Variants in WDFY4 observed in about 807,000 individuals in gnomAD.
The protein encoded by WDFY4 is WDFY family member 4.
WDFY4 carries 169 observed loss-of-function variants against 351.9 expected under a neutral mutation model. That is an observed-to-expected ratio of 0.48 (90% CI 0.42 to 0.55). The LOEUF (loss-of-function observed/expected upper bound fraction) is 0.55. Ranked by LOEUF, WDFY4 falls within the 20% of genes least tolerant of loss-of-function variation. The probability of loss-of-function intolerance (pLI) is 0.00; values close to 1 mark genes in which losing one functional copy is unlikely to be tolerated. For missense variants in WDFY4, 3,803 were observed against 3,935.6 expected (o/e 0.97, Z 0.90); for synonymous variants, 1,622 against 1,574.6 (o/e 1.03, Z -0.71).
chr10:48,761,257 G>A (rs1053340876), intron 13 of WDFY4, among the ~76,000 whole-genome samples: 11 of 152,168 alleles, frequency 7.2e-5, no homozygotes, highest in Non-Finnish European at 1.6e-4. Flanking sequence ...GGGGCATGCA[G>A]GCTTCTGGGA....
intron 39 of WDFY4, among the ~76,000 whole-genome samples, chr10:48,856,369 A>C (rs1287046821): frequency 1.3e-5 from 2 of 152,160 alleles, no homozygotes; most frequent in Admixed American, 6.5e-5. Context: ...CAGATTGATA[A>C]GAGTATTCAA....
intron 12 of WDFY4, among the ~76,000 whole-genome samples, chr10:48,747,182 T>C (rs189706018): frequency 3.9e-5 from 6 of 152,340 alleles, no homozygotes; most frequent in Non-Finnish European, 1.5e-5. Flanking sequence ...TCACAGTAAA[T>C]GGAAGGTCTC....
intron 59 of WDFY4, 30 bp downstream of exon 59, chr10:48,977,009 T>C: frequency 7.5e-7 from 1 of 1,328,228 alleles, no homozygotes; most frequent in Middle Eastern, 2.0e-4. Flanking sequence ...AATGAGGACA[T>C]GACACAAGAA....
At chr10:48,766,619 A>G (rs899680256) in intron 13 of WDFY4, among the ~76,000 whole-genome samples, 2 of 152,194 alleles carry the variant, frequency 1.3e-5, no homozygotes, top group Non-Finnish European at 2.9e-5. Flanking sequence ...ACTAAAAACT[A>G]AAAAAGCAAA....
rs1226716065 is a variant in WDFY4 at position 48,826,914 on chromosome 10, G to A, written c.6221+5G>A. On this transcript the variant is annotated splice_donor_5th_base_variant and intron_variant, in intron 36 of 61. Coordinates refer to ENST00000325239, the MANE Select transcript of WDFY4 (RefSeq NM_001394531.1). ...TTTGCTACTCAATGAGAGAAGGTAA[G>A]AGCTGCCCACTTGTTTCCTTGTCTG... 1 of 1,549,866 alleles carries A rather than the reference G, an allele frequency of 6.5e-7. No homozygotes were observed. Among genetic ancestry groups the A allele is most frequent in the Admixed American group, 2.0e-5 (1 of 50,980 alleles).
At chr10:48,803,215 T>TTC (rs2067142760) in intron 24 of WDFY4, 71 bp from the exon 25 acceptor site, 1 of 1,471,444 alleles carries the variant, frequency 6.8e-7, no homozygotes, top group East Asian at 2.5e-5. Context: ...AGCACTGACC[T>TTC]TCTCATGCTT....
chr10:48,930,359 G>A (rs1240281416), intron 47 of WDFY4, among the ~76,000 whole-genome samples: 1 of 152,218 alleles, frequency 6.6e-6, no homozygotes, highest in African/African-American at 2.4e-5. Flanking sequence ...GTCACTGAGT[G>A]TGTACCCTCT....
At position 48,780,058 on chromosome 10, in the gene WDFY4, A is replaced by C; in HGVS notation, c.3515A>C (p.Glu1172Ala). 2 of 1,552,010 alleles carry C rather than the reference A, an allele frequency of 1.3e-6. No individual in the cohort carries two copies. Among genetic ancestry groups the C allele is most frequent in the Non-Finnish European group, 1.7e-6 (2 of 1,147,058 alleles). Reference protein sequence around the residue: ...WHHLAVVVTKEMKRHCTVSTC... With the variant: ...WHHLAVVVTKAMKRHCTVSTC... The stretch of plus-strand genomic sequence containing the variant: ...CACTTGGCTGTGGTTGTCACTAAGG[A>C]AATGAAAAGGCATTGTACAGTTTCC... Residue 1172 changes from glutamate (E) to alanine (A), a missense_variant, in exon 19 of 62, where the codon GAA becomes GCA. Physicochemically the swap from Glu to Ala is moderately radical, Grantham distance 107. Transcript: ENST00000325239.
At chr10:48,742,236 T>C (rs1397801389) in intron 11 of WDFY4, among the ~76,000 whole-genome samples, 2 of 152,248 alleles carry the variant, frequency 1.3e-5, no homozygotes, top group African/African-American at 4.8e-5. Context: ...ATCCTATCAG[T>C]GGCCTAATTG....
At chr10:48,899,087 A>G (rs1020943829) in intron 45 of WDFY4, among the ~76,000 whole-genome samples, 1 of 150,938 alleles carries the variant, frequency 6.6e-6, no homozygotes, top group Non-Finnish European at 1.5e-5. Context: ...TTCCCCAAGT[A>G]CATGGTGATT....
rs770024297 is a variant in WDFY4 at position 48,873,699 on chromosome 10, T to C, written c.6948+2T>C. 1 of 1,551,496 alleles carries C rather than the reference T, an allele frequency of 6.4e-7. No homozygotes were observed. The highest frequency in any genetic ancestry group is 8.7e-7 in the Non-Finnish European group (1 of 1,146,990). On this transcript the variant is annotated splice_donor_variant, in intron 41 of 61. Transcript: ENST00000325239. LOFTEE classifies it high-confidence loss of function. ...GCCCTGAGCTCAGGAAGGCACAAGG[T>C]AGGAGTCAGGCGCAGTGGGACAGTG... is the stretch of plus-strand genomic sequence containing the variant.
rs1158692112 is a variant in WDFY4, at chr10:48,900,224, A to G, written c.7441A>G (p.Ile2481Val). The G allele has an allele frequency of 6.4e-7, 1 of 1,551,436 alleles. No individual in the cohort carries two copies. The highest frequency in any genetic ancestry group is 8.7e-7 in the Non-Finnish European group (1 of 1,146,884). ...TAAAAGGGGCTTCTCTTCACAGGAC[A>G]TCGCCCTGGAGATCTTCTTCCACAA... Reference protein sequence around the residue: ...LRQARFLLQDIALEIFFHNGY... With the variant: ...LRQARFLLQDVALEIFFHNGY... Residue 2481 changes from isoleucine (I) to valine (V), a missense_variant, in exon 46 of 62, where the codon ATC (isoleucine) becomes GTC (valine). Ile to Val is a conservative substitution (Grantham distance 29, BLOSUM62 3). Around this residue, in one of 3 missense-constraint regions of WDFY4, gnomAD observed 3,054 missense variants for 3,148.6 expected, o/e 0.97. Transcript: ENST00000325239.
chr10:48,939,288 G>C (rs1840615075), intron 47 of WDFY4, among the ~76,000 whole-genome samples: 1 of 152,246 alleles, frequency 6.6e-6, no homozygotes, highest in South Asian at 2.1e-4. Flanking sequence ...CACGCCTGTT[G>C]AGTAGCTCCG....
chr10:48,865,191 T>A (rs142786515), intron 39 of WDFY4, among the ~76,000 whole-genome samples: 1 of 152,256 alleles, frequency 6.6e-6, no homozygotes, highest in South Asian at 2.1e-4. Context: ...TGTATAATGT[T>A]GGCTGTGGAC....
chr10:48,863,021 T>A (rs553487402), intron 39 of WDFY4, among the ~76,000 whole-genome samples: 84 of 152,356 alleles, frequency 5.5e-4, no homozygotes, highest in African/African-American at 1.9e-3. Context: ...TTATAACATG[T>A]GTCAATACAT....
In WDFY4 at chr10:48,914,131, T is replaced by C. The variant is rs777786128; in HGVS notation, c.7586+12268T>C. ...ACCTTGAGGGTGATCTTCTTGCCCT[T>C]GGGGCCTTTCTCACCCTTAACCATG... On this transcript the variant is annotated intron_variant, in intron 47 of 61. Transcript: ENST00000325239. The C allele has an allele frequency of 1.9e-6, 3 of 1,613,942 alleles. No individual in the cohort carries two copies. In the African/African-American group the frequency reaches 4.0e-5, roughly 22 times the overall value.
At chr10:48,936,080 G>A (rs945810217) in intron 47 of WDFY4, among the ~76,000 whole-genome samples, 25 of 151,806 alleles carry the variant, frequency 1.6e-4, no homozygotes, top group Non-Finnish European at 7.4e-5. Flanking sequence ...TCATAAATTA[G>A]AAAATAAATT....
At chr10:48,904,244 C>T (rs1437856806) in intron 47 of WDFY4, among the ~76,000 whole-genome samples, 3 of 152,154 alleles carry the variant, frequency 2.0e-5, no homozygotes, top group Non-Finnish European at 4.4e-5. Context: ...CAGTGGGTCG[C>T]TGGAGTTGGG....
At chr10:48,962,604 C>T (rs1841910709) in intron 53 of WDFY4, among the ~76,000 whole-genome samples, 1 of 152,216 alleles carries the variant, frequency 6.6e-6, no homozygotes, top group Non-Finnish European at 1.5e-5. Flanking sequence ...TGCCACCCAT[C>T]TGGGCTCTAT....
Sources: allele counts gnomAD v4.1 joint callset (sites outside exome capture counted in the v4.1 genomes callset), GRCh38; gene constraint gnomAD v4.1.1; regional missense constraint gnomAD v4.1.1; transcripts MANE v1.5; gene names NCBI Gene and HGNC (gene_info 2026-07-23, HGNC 2026-07-21).